Variants in POLR1A observed in about 807,000 individuals in gnomAD.
POLR1A encodes the protein DNA-directed RNA polymerase I subunit RPA1.
In POLR1A, 84 loss-of-function variants were observed where a neutral mutation model predicts 205.3. The ratio of observed to expected loss-of-function variants is 0.41; its 90% confidence interval spans 0.34 to 0.49. The LOEUF (loss-of-function observed/expected upper bound fraction) is 0.49. Among genes scored for constraint, POLR1A ranks in the 20% least tolerant of loss-of-function variants. The pLI is 0.22. For missense variants in POLR1A, 1,645 were observed against 2,204.5 expected (o/e 0.75, Z 5.08); for synonymous variants, 799 against 863.7 (o/e 0.93, Z 1.31).
In POLR1A at chr2:86,070,142, T is replaced by G; in HGVS notation, c.1742A>C (p.Asn581Thr). The change falls in exon 13 of 34, where the codon AAC becomes ACC. Residue 581 changes from asparagine (N) to threonine (T), a missense_variant. Asn to Thr is a moderately conservative substitution (Grantham distance 65). Around this residue, in one of 16 missense-constraint regions of POLR1A, gnomAD observed 17 missense variants for 29.4 expected, o/e 0.58. Coordinates refer to ENST00000263857, the MANE Select transcript of POLR1A (RefSeq NM_015425.6). This position sits in a 1 kb window ranked among gnomAD's most constrained non-coding sequence, Gnocchi z 4.4. ...AAAGTCGGCATTATAGGCCTTGCAG[T>G]TGGCATAGTGGAGCCGCAGCACTTT... ...EEKVLRLHYA[N>T]CKAYNADFDG... 1 of 1,614,246 alleles carries G rather than the reference T, an allele frequency of 6.2e-7. No homozygotes were observed. The highest frequency in any genetic ancestry group is 8.5e-7 in the Non-Finnish European group (1 of 1,180,030).
chr2:86,089,942 G>A lies in POLR1A; in HGVS notation c.433-13C>T. Reference sequence around the variant, plus strand: ...TTTCTTCCAGAAACTGGAAAACAAAGAGGAAAACTCCATTATCACAGTAAT... The same window carrying A: ...TTTCTTCCAGAAACTGGAAAACAAAAAGGAAAACTCCATTATCACAGTAAT... On this transcript the variant is annotated splice_polypyrimidine_tract_variant and intron_variant, in intron 3 of 33. Transcript: ENST00000263857. 7.3e-6 allele frequency: 10 copies of A among 1,371,416 alleles called. No individual in the cohort carries two copies. Among genetic ancestry groups the A allele is most frequent in the Non-Finnish European group, 1.0e-5 (10 of 957,056 alleles). 85.0% of individuals were successfully genotyped at this position (1,371,416 alleles called of 1,614,324 possible). A position where few individuals can be genotyped will look rare whatever the true frequency, so the allele number is the denominator to read the frequency against.
chr2:86,069,002 T>C (rs1027014690), intron 13 of POLR1A, among the ~76,000 whole-genome samples: 12 of 152,250 alleles, frequency 7.9e-5, no homozygotes, highest in African/African-American at 2.9e-4. Context: ...CAGGAACTCC[T>C]TGTCCTTCCT....
At chr2:86,090,673 C>G (rs573391539) in intron 3 of POLR1A, among the ~76,000 whole-genome samples, 1 of 152,322 alleles carries the variant, frequency 6.6e-6, no homozygotes, top group African/African-American at 2.4e-5. Context: ...TCATGTGCCC[C>G]AGGGAATATG....
In POLR1A at chr2:86,044,241, G is replaced by A. The variant is rs768165027; in HGVS notation, c.3033C>T (p.Asp1011=). The A allele has an allele frequency of 5.8e-5, 93 of 1,614,086 alleles. 1 individual carries two copies. The South Asian group carries it at 8.0e-4, about 14-fold the overall frequency. ...CATACAGGAACTGCACCACACTGCC[G>A]TCACTGTCACGGACCGTGAGATCAT... ...VQYDLTVRDS[D]GSVVQFLYGE... is the part of the protein sequence containing the mutation. The change falls in exon 22 of 34, where the codon GAC becomes GAT. Residue 1011 remains aspartate (D), a synonymous_variant. Coordinates refer to ENST00000263857, the MANE Select transcript of POLR1A (RefSeq NM_015425.6).
At chr2:86,064,302 G>A (rs563117847) in intron 14 of POLR1A, among the ~76,000 whole-genome samples, 1 of 152,272 alleles carries the variant, frequency 6.6e-6, no homozygotes, top group African/African-American at 2.4e-5. Context: ...TACTGTCCCA[G>A]GAAATGATGA....
intron 20 of POLR1A, 127 bp from the exon 21 acceptor site, chr2:86,045,487 G>A: frequency 7.9e-7 from 1 of 1,270,244 alleles, no homozygotes; most frequent in Non-Finnish European, 1.1e-6. Context: ...GATCTCCTAG[G>A]ACTTTTTGAC....
chr2:86,054,204 G>C lies in POLR1A; in HGVS notation c.2144C>G (p.Ala715Gly). ...GGATCGAGGAGTTTCCTTCACCCAG[G>C]CTTTCCCAGTGATTTTCGCCTTTCC... ...LSGKAKITGK[A>G]WVKETPRSVP... The change falls in exon 15 of 34, where the codon GCC (alanine) becomes GGC (glycine). Residue 715 changes from alanine (A) to glycine (G), a missense_variant. Ala to Gly is a moderately conservative substitution (Grantham distance 60). Transcript: ENST00000263857. 2 of 1,613,918 alleles carry C rather than the reference G, an allele frequency of 1.2e-6. No individual in the cohort carries two copies. The highest frequency in any genetic ancestry group is 1.7e-6 in the Non-Finnish European group (2 of 1,179,826).
rs75093461 is a variant in POLR1A, at chr2:86,105,308, C to T, written c.77+392G>A. 3.9e-5 allele frequency among the ~76,000 whole-genome samples: 6 copies of T among 152,190 alleles called. No individual in the cohort carries two copies. In the East Asian group the frequency reaches 1.2e-3, roughly 29 times the overall value. ...GGGTCCTAGCAAAGAGAAGTTAACGCCTGAACTGACACTTGAAGGACAATC... is the reference window on the plus strand; with the variant it reads ...GGGTCCTAGCAAAGAGAAGTTAACGTCTGAACTGACACTTGAAGGACAATC... On this transcript the variant is annotated intron_variant, in intron 1 of 33. Coordinates refer to ENST00000263857, the MANE Select transcript of POLR1A (RefSeq NM_015425.6).
chr2:86,033,685 G>A lies in POLR1A; in HGVS notation c.4137C>T (p.Asn1379=), dbSNP rs373534289. Residue 1379 remains asparagine, a synonymous_variant, in exon 28 of 34, where the codon AAC becomes AAT. Transcript: ENST00000263857. ...CCCGACTCCTCCCCAACTCCCCAGC[G>A]TTGTCCAGATCCCGCTGTGTAGCTC... ...TRRATQRDLD[N]AGELGRSRGE... 63 of 1,613,724 alleles carry A rather than the reference G, an allele frequency of 3.9e-5. No homozygotes were observed. The highest frequency in any genetic ancestry group is 1.2e-4 in the South Asian group (11 of 91,064).
intron 26 of POLR1A, among the ~76,000 whole-genome samples, 178 bp downstream of exon 26, chr2:86,039,149 C>G (rs1292939620): frequency 6.6e-6 from 1 of 152,174 alleles, no homozygotes; most frequent in Non-Finnish European, 1.5e-5. Context: ...GAACTAATGA[C>G]TCTCTTAAAA....
At chr2:86,062,038 T>A (rs570030193) in intron 14 of POLR1A, among the ~76,000 whole-genome samples, 1 of 152,020 alleles carries the variant, frequency 6.6e-6, no homozygotes, top group Non-Finnish European at 1.5e-5. Context: ...AAATAGAAAA[T>A]CAATCAAGAG....
In POLR1A at chr2:86,065,476, A is replaced by G. The variant is rs960313553; in HGVS notation, c.1867-11T>C. On this transcript the variant is annotated splice_polypyrimidine_tract_variant and intron_variant, in intron 13 of 33. Transcript: ENST00000263857. ...CAATGGTTGGCCATCCTATAAGCCAAAACAGACAACACAAGAAGAATGAAA... is the reference window on the plus strand; with the variant it reads ...CAATGGTTGGCCATCCTATAAGCCAGAACAGACAACACAAGAAGAATGAAA... 3 of 1,608,062 alleles carry G rather than the reference A, an allele frequency of 1.9e-6. No homozygotes were observed. The highest frequency in any genetic ancestry group is 1.7e-6 in the Non-Finnish European group (2 of 1,177,056).
chr2:86,047,286 G>A, intron 18 of POLR1A, 23 bp from the exon 19 acceptor site: 1 of 1,500,436 alleles, frequency 6.7e-7, no homozygotes. Flanking sequence ...TCAGCACAGT[G>A]GTCAGTGACT....
At chr2:86,082,817 T>C (rs1009796260) in intron 7 of POLR1A, among the ~76,000 whole-genome samples, 1 of 152,216 alleles carries the variant, frequency 6.6e-6, no homozygotes, top group African/African-American at 2.4e-5. Context: ...TATGCCAACC[T>C]GTATTAAGTG....
intron 14 of POLR1A, among the ~76,000 whole-genome samples, chr2:86,057,282 A>C (rs1247558593): frequency 6.6e-6 from 1 of 152,206 alleles, no homozygotes; most frequent in African/African-American, 2.4e-5. Flanking sequence ...AATTAGAAGA[A>C]TCTATAAAGG....
chr2:86,094,507 C>T (rs528965443), intron 3 of POLR1A, among the ~76,000 whole-genome samples: 96 of 152,260 alleles, frequency 6.3e-4, no homozygotes, highest in African/African-American at 2.3e-3. Flanking sequence ...AGCTCTAGAT[C>T]AGCTATTTCT....
chr2:86,092,496 G>A (rs529933511), intron 3 of POLR1A, among the ~76,000 whole-genome samples: 123 of 152,328 alleles, frequency 8.1e-4, no homozygotes, highest in Non-Finnish European at 1.6e-3. Context: ...GGCATACTAT[G>A]TCTCCAATCT....
Position 86,065,411 on chromosome 2 carries a change from T to C in POLR1A, c.1921A>G (p.Met641Val). 1 of 1,614,192 alleles carries C rather than the reference T, an allele frequency of 6.2e-7. No individual in the cohort carries two copies. Among genetic ancestry groups the C allele is most frequent in the Non-Finnish European group, 8.5e-7 (1 of 1,180,022 alleles). ...IQDHMVSGAS[M>V]TTRGCFFTRE... ...GTGAAAAAGCAACCCCGAGTAGTCA[T>C]GCTTGCCCCTGAAACCATGTGATCC... The change falls in exon 14 of 34, where the codon ATG becomes GTG. Residue 641 changes from methionine to valine, a missense_variant. Met to Val is a conservative substitution (Grantham distance 21, BLOSUM62 1). This residue lies in a region of POLR1A where 339 missense variants were observed against 415.1 expected (regional missense o/e 0.82). Transcript: ENST00000263857.
At chr2:86,094,305 C>T (rs944224078) in intron 3 of POLR1A, among the ~76,000 whole-genome samples, 1 of 152,188 alleles carries the variant, frequency 6.6e-6, no homozygotes, top group Non-Finnish European at 1.5e-5. Context: ...TTCATGGATT[C>T]CTACTTTATT....
Sources: gnomAD v4.1 joint callset for allele counts (sites outside exome capture counted in the v4.1 genomes callset) on GRCh38, gnomAD v4.1.1 for gene constraint, gnomAD v4.1.1 regional missense constraint, Gnocchi (gnomAD v3.1) non-coding constraint, MANE v1.5 for transcripts, NCBI Gene and HGNC (gene_info 2026-07-23, HGNC 2026-07-21) for gene names.